Variants in DCAKD observed in about 807,000 individuals in gnomAD.
The protein encoded by DCAKD is dephospho-CoA kinase domain-containing protein.
DCAKD carries 15 observed loss-of-function variants against 18.7 expected under a neutral mutation model. The observed-to-expected ratio is 0.80, with a 90% CI of 0.54 to 1.24. The LOEUF is 1.24. Among genes scored for constraint, DCAKD ranks in the 50% most tolerant of loss-of-function variants. DCAKD has a pLI of 0.00. For synonymous variants in DCAKD, 130 were observed against 133.0 expected, an observed-to-expected ratio of 0.98 and a Z score of 0.16; for missense variants, 301 against 322.0, an observed-to-expected ratio of 0.93 and a Z score of 0.50.
chr17:45,035,840 G>C (rs1250554111), intron 1 of DCAKD, among the ~76,000 whole-genome samples: 1 of 152,210 alleles, frequency 6.6e-6, no homozygotes, highest in African/African-American at 2.4e-5. Flanking sequence ...AGGTCCCATG[G>C]ATCACTTCCC....
At chr17:45,050,963 CT>C (rs1396962607) in intron 1 of DCAKD, among the ~76,000 whole-genome samples, 5 of 152,218 alleles carry the variant, frequency 3.3e-5, no homozygotes, top group Admixed American at 2.0e-4. Context: ...GGGGCCTTCA[CT>C]AAAACCTTAA....
At chr17:45,041,829 C>G (rs1471108409) in intron 1 of DCAKD, among the ~76,000 whole-genome samples, 1 of 151,690 alleles carries the variant, frequency 6.6e-6, no homozygotes, top group African/African-American at 2.4e-5. Flanking sequence ...GTATCAAGAG[C>G]AATGGGGGGC....
At chr17:45,025,391 C>A (rs1169457567) in intron 4 of DCAKD, among the ~76,000 whole-genome samples, 1 of 152,138 alleles carries the variant, frequency 6.6e-6, no homozygotes, top group African/African-American at 2.4e-5. Flanking sequence ...GAGAATTGGT[C>A]CCCCTTAGTT....
intron 4 of DCAKD, among the ~76,000 whole-genome samples, chr17:45,027,064 T>C (rs142233695): frequency 8.2e-4 from 125 of 152,332 alleles, no homozygotes; most frequent in African/African-American, 2.7e-3. Flanking sequence ...TGAAATTGGC[T>C]GGGCACAGTG....
chr17:45,050,288 C>T (rs2053664287), intron 1 of DCAKD, among the ~76,000 whole-genome samples: 2 of 152,068 alleles, frequency 1.3e-5, no homozygotes, highest in East Asian at 1.9e-4. Flanking sequence ...GGGTGATCCA[C>T]CCTCCTCAAC....
chr17:45,043,524 T>C (rs368147231), intron 1 of DCAKD, among the ~76,000 whole-genome samples: 31 of 152,240 alleles, frequency 2.0e-4, no homozygotes, highest in Non-Finnish European at 4.0e-4. Flanking sequence ...TCCTAGGGCA[T>C]AGCTGGGCAC....
In DCAKD at chr17:45,024,346, G is replaced by A. The variant is rs2053008505; in HGVS notation, c.*87C>T. The A allele has an allele frequency of 9.4e-7, 1 of 1,065,122 alleles. No individual in the cohort carries two copies. The highest frequency in any genetic ancestry group is 1.5e-5 in the South Asian group (1 of 65,570). The allele number at this position is 1,065,122 out of a possible 1,614,324, so 66.0% of individuals were successfully genotyped here. On this transcript the variant is annotated 3_prime_UTR_variant, in exon 5 of 5. Transcript: ENST00000651974. Reference sequence around the variant, plus strand: ...GTGTGTGTGTGTGTGTGTGGGGAGGGGGCTGAGAGGAAACAGGATGTGTTA... The same window carrying A: ...GTGTGTGTGTGTGTGTGTGGGGAGGAGGCTGAGAGGAAACAGGATGTGTTA...
At chr17:45,038,236 C>T (rs145682663) in intron 1 of DCAKD, among the ~76,000 whole-genome samples, 404 of 152,198 alleles carry the variant, frequency 2.7e-3, no homozygotes, top group Admixed American at 3.1e-3. Context: ...ACCACCATGC[C>T]TGGCTGATTT....
chr17:45,030,822 TG>T (rs1373809031), intron 3 of DCAKD, among the ~76,000 whole-genome samples: 10 of 152,222 alleles, frequency 6.6e-5, no homozygotes, highest in African/African-American at 2.4e-4. Context: ...GGGTAAGGCC[TG>T]GATCTGGAGT....
At chr17:45,027,176 A>G (rs909613977) in intron 4 of DCAKD, among the ~76,000 whole-genome samples, 1 of 152,190 alleles carries the variant, frequency 6.6e-6, no homozygotes, top group Non-Finnish European at 1.5e-5. Flanking sequence ...CCCAATCTCT[A>G]CAAAAAATAA....
intron 1 of DCAKD, among the ~76,000 whole-genome samples, chr17:45,058,413 G>A (rs936102117): frequency 6.6e-6 from 1 of 151,706 alleles, no homozygotes; most frequent in African/African-American, 2.4e-5. Context: ...GAGCCACCAC[G>A]CCCAGCCTAC....
At chr17:45,055,361 C>A (rs553088867), upstream of DCAKD, among the ~76,000 whole-genome samples, 1 of 121,440 alleles carries the variant, frequency 8.2e-6, no homozygotes, top group Non-Finnish European at 1.8e-5. Flanking sequence ...ATTTTCTGTA[C>A]GTTTATTTAT....
intron 1 of DCAKD, 112 bp from the exon 2 acceptor site, chr17:45,035,111 T>C: frequency 1.9e-6 from 1 of 524,648 alleles, no homozygotes. Flanking sequence ...TGTCCTGAGC[T>C]TGGGGTGCTC....
upstream of DCAKD, among the ~76,000 whole-genome samples, chr17:45,052,541 T>C (rs1199458628): frequency 1.3e-5 from 2 of 151,924 alleles, no homozygotes; most frequent in Non-Finnish European, 2.9e-5. Flanking sequence ...CCTCTCAAAG[T>C]GGGGATAATC....
At chr17:45,058,642 G>C (rs906580154) in intron 1 of DCAKD, among the ~76,000 whole-genome samples, 15 of 150,630 alleles carry the variant, frequency 1.0e-4, no homozygotes, top group Admixed American at 7.3e-4. Flanking sequence ...GGCTGGTCTC[G>C]AACTCCTGAC....
intron 3 of DCAKD, chr17:45,031,873 G>C: frequency 1.0e-6 from 1 of 985,422 alleles, no homozygotes; most frequent in Non-Finnish European, 1.2e-6. Context: ...TACCAACTTT[G>C]ACAGTTGTAT....
intron 1 of DCAKD, among the ~76,000 whole-genome samples, chr17:45,043,661 C>G (rs2053491937): frequency 6.6e-6 from 1 of 152,216 alleles, no homozygotes; most frequent in South Asian, 2.1e-4. Context: ...GAGGAGTGCC[C>G]TCCATTTAAG....
exon 1 of DCAKD, chr17:45,060,946 T>C: frequency 1.1e-6 from 1 of 899,152 alleles, no homozygotes; most frequent in African/African-American, 1.8e-5. Context: ...GCCCAGGCAC[T>C]GGCAAGGGCA....
At chr17:45,052,313 A>T (rs921106594), upstream of DCAKD, among the ~76,000 whole-genome samples, 1 of 152,216 alleles carries the variant, frequency 6.6e-6, no homozygotes, top group African/African-American at 2.4e-5. Context: ...AGAGGTGATC[A>T]TGAGCACTTT....
Sources: gnomAD v4.1 joint callset for allele counts (sites outside exome capture counted in the v4.1 genomes callset) on GRCh38, gnomAD v4.1.1 for gene constraint, MANE v1.5 for transcripts, NCBI Gene and HGNC (gene_info 2026-07-23, HGNC 2026-07-21) for gene names.